BMP5: variants seen among roughly 807,000 people sequenced by gnomAD.
BMP5 encodes bone morphogenetic protein 5.
A neutral mutation model predicts 46.6 loss-of-function variants in BMP5; 23 were observed. The observed-to-expected ratio is 0.49, with a 90% CI of 0.35 to 0.70. The LOEUF (loss-of-function observed/expected upper bound fraction) is 0.70, where lower values mean the gene tolerates loss of function less well. Ranked by LOEUF, BMP5 falls within the 30% of genes least tolerant of loss-of-function variation. BMP5 has a pLI of 0.00. For synonymous variants in BMP5, 204 were observed against 191.9 expected (o/e 1.06, Z -0.52); for missense variants, 545 against 565.6 (o/e 0.96, Z 0.37).
intron 4 of BMP5, among the ~76,000 whole-genome samples, chr6:55,764,907 G>A (rs1370197419): frequency 6.6e-6 from 1 of 152,052 alleles, no homozygotes; most frequent in African/African-American, 2.4e-5. Context: ...GGTTACAATG[G>A]TTAGCGATAA....
chr6:55,813,565 G>A (rs1344930180), intron 2 of BMP5, among the ~76,000 whole-genome samples: 4 of 151,854 alleles, frequency 2.6e-5, no homozygotes, highest in Admixed American at 6.6e-5. Flanking sequence ...CGAGGCGGGC[G>A]GATCACGAGG....
intron 1 of BMP5, among the ~76,000 whole-genome samples, chr6:55,870,852 A>C (rs931656191): frequency 6.6e-6 from 1 of 152,152 alleles, no homozygotes; most frequent in African/African-American, 2.4e-5. Flanking sequence ...ATTTAACAAC[A>C]CATTTAAATA....
intron 1 of BMP5, among the ~76,000 whole-genome samples, chr6:55,872,593 T>C (rs530635743): frequency 5.9e-5 from 9 of 151,864 alleles, no homozygotes; most frequent in Admixed American, 3.3e-4. Flanking sequence ...TCTATGTAGA[T>C]TTATAAAAAG....
intron 3 of BMP5, among the ~76,000 whole-genome samples, chr6:55,782,244 A>T (rs1775337105): frequency 1.3e-5 from 2 of 152,182 alleles, no homozygotes; most frequent in South Asian, 4.1e-4. Context: ...GTACCGCAAA[A>T]ATATGTGCAA....
At chr6:55,762,362 G>T (rs1469453333) in intron 4 of BMP5, among the ~76,000 whole-genome samples, 6 of 152,070 alleles carry the variant, frequency 3.9e-5, no homozygotes, top group African/African-American at 7.2e-5. Flanking sequence ...CCATCATAGA[G>T]GGCCTTGCTT....
chr6:55,790,818 C>T (rs1562039503), intron 3 of BMP5, among the ~76,000 whole-genome samples: 1 of 152,166 alleles, frequency 6.6e-6, no homozygotes, highest in East Asian at 1.9e-4. Context: ...CTTTTGGCTC[C>T]ATCCCAGGTG....
At position 55,774,204 on chromosome 6, in the gene BMP5, C is replaced by A; in HGVS notation, c.872G>T (p.Arg291Ile). The change falls in exon 4 of 7, where the codon AGA (arginine) becomes ATA (isoleucine). Residue 291 changes from arginine to isoleucine, a missense_variant. Transcript: ENST00000370830. Reference sequence around the variant, plus strand: ...TGGTTGTTTTGACTGAGGTCCCTGTCTTCCCACAAGACCAGCAGATTTTAC... The same window carrying A: ...TGGTTGTTTTGACTGAGGTCCCTGTATTCCCACAAGACCAGCAGATTTTAC... Reference protein sequence around the residue: ...INVKSAGLVGRQGPQSKQPFM... With the variant: ...INVKSAGLVGIQGPQSKQPFM... 6.2e-7 allele frequency: 1 copy of A among 1,613,140 alleles called. No homozygotes were observed. Among genetic ancestry groups the A allele is most frequent in the Non-Finnish European group, 8.5e-7 (1 of 1,179,394 alleles).
intron 1 of BMP5, among the ~76,000 whole-genome samples, chr6:55,848,579 G>C (rs1777151771): frequency 6.6e-6 from 1 of 151,954 alleles, no homozygotes. Flanking sequence ...TGCCTAGCAA[G>C]TAGTTAGAGG....
chr6:55,867,813 A>G (rs1365775412), intron 1 of BMP5, among the ~76,000 whole-genome samples: 1 of 152,214 alleles, frequency 6.6e-6, no homozygotes, highest in Admixed American at 6.5e-5. Context: ...CACTTTTTAG[A>G]TAAGCAACCA....
chr6:55,754,535 C>T lies in BMP5; in HGVS notation c.*998G>A, dbSNP rs1425435495. On this transcript the variant is annotated 3_prime_UTR_variant, in exon 7 of 7. Transcript: ENST00000370830. ...AATTTCCTCCAGTTTAGTTTCAGTG[C>T]TTTTACTTCTAAATAAAATCCCTTG... 1.3e-5 allele frequency: 2 copies of T among 151,902 alleles called. No individual in the cohort carries two copies. Among genetic ancestry groups the T allele is most frequent in the African/African-American group, 2.4e-5 (1 of 41,400 alleles). 9.4% of individuals were successfully genotyped at this position (151,902 alleles called of 1,614,324 possible). A position where few individuals can be genotyped will look rare whatever the true frequency, so the allele number is the denominator to read the frequency against.
chr6:55,871,889 T>C (rs2127556821), intron 1 of BMP5, among the ~76,000 whole-genome samples: 1 of 151,936 alleles, frequency 6.6e-6, no homozygotes, highest in East Asian at 1.9e-4. Flanking sequence ...CTAATGTGAC[T>C]CATTTGTACT....
chr6:55,782,838 T>C (rs1347499304), intron 3 of BMP5, among the ~76,000 whole-genome samples: 1 of 152,114 alleles, frequency 6.6e-6, no homozygotes, highest in Non-Finnish European at 1.5e-5. Context: ...TCTTATTTAC[T>C]CCTCACAGCA....
chr6:55,825,978 T>C (rs148081544), intron 1 of BMP5, among the ~76,000 whole-genome samples: 17 of 151,922 alleles, frequency 1.1e-4, no homozygotes, highest in African/African-American at 4.1e-4. Flanking sequence ...CTAATCTGTG[T>C]TGCATTGTAA....
At chr6:55,757,320 G>T (rs1402272356) in intron 6 of BMP5, among the ~76,000 whole-genome samples, 1 of 151,808 alleles carries the variant, frequency 6.6e-6, no homozygotes, top group East Asian at 1.9e-4. Context: ...ATAAAAAGAG[G>T]CAAAGAATTT....
chr6:55,867,663 C>T (rs1582133331), intron 1 of BMP5, among the ~76,000 whole-genome samples: 1 of 152,106 alleles, frequency 6.6e-6, no homozygotes, highest in African/African-American at 2.4e-5. Context: ...TGGTGTAATA[C>T]TCTGCTGCCA....
chr6:55,779,083 T>C (rs1476033205), intron 3 of BMP5, among the ~76,000 whole-genome samples: 1 of 152,096 alleles, frequency 6.6e-6, no homozygotes, highest in African/African-American at 2.4e-5. Flanking sequence ...AAAACAGAGT[T>C]ATTAAAGGAG....
At chr6:55,842,451 T>A (rs914408307) in intron 1 of BMP5, among the ~76,000 whole-genome samples, 5 of 152,138 alleles carry the variant, frequency 3.3e-5, no homozygotes, top group Non-Finnish European at 7.4e-5. Flanking sequence ...AGCCTACACA[T>A]ACAGAATGCA....
intron 1 of BMP5, among the ~76,000 whole-genome samples, chr6:55,849,528 C>G (rs1356954647): frequency 6.6e-6 from 1 of 151,818 alleles, no homozygotes; most frequent in South Asian, 2.1e-4. Flanking sequence ...GGTGCAAAGG[C>G]CCTGTGGAAG....
chr6:55,775,662 C>T (rs1296911116), intron 3 of BMP5, among the ~76,000 whole-genome samples: 2 of 151,824 alleles, frequency 1.3e-5, no homozygotes, highest in African/African-American at 2.4e-5. Flanking sequence ...GACTGTGGAG[C>T]AACCTCAGTC....
Sources: gnomAD v4.1 joint callset for allele counts (sites outside exome capture counted in the v4.1 genomes callset) on GRCh38, gnomAD v4.1.1 for gene constraint, MANE v1.5 for transcripts, NCBI Gene and HGNC (gene_info 2026-07-23, HGNC 2026-07-21) for gene names.